The following SFMBT2 variants were observed in gnomAD, a reference collection of about 807,000 sequenced individuals.
SFMBT2 encodes the protein scm-like with four MBT domains protein 2.
SFMBT2 carries 38 observed loss-of-function variants against 110.1 expected under a neutral mutation model. The ratio of observed to expected loss-of-function variants is 0.35; its 90% confidence interval spans 0.27 to 0.45. The LOEUF (loss-of-function observed/expected upper bound fraction) is 0.45, where lower values mean the gene tolerates loss of function less well. SFMBT2 is among the 20% of genes least tolerant of loss of function. The pLI, the probability that SFMBT2 is intolerant of heterozygous loss-of-function variation, is 1.00. For synonymous variants in SFMBT2, 425 were observed against 425.4 expected, an observed-to-expected ratio of 1.00 and a Z score of 0.01; for missense variants, 1,011 against 1,094.9, an observed-to-expected ratio of 0.92 and a Z score of 1.08.
chr10:7,300,712 G>A (rs949586445), intron 4 of SFMBT2, among the ~76,000 whole-genome samples: 3 of 152,306 alleles, frequency 2.0e-5, no homozygotes, highest in South Asian at 2.1e-4. Context: ...GCCCAGCATC[G>A]TCTCTGGCAC....
chr10:7,294,241 C>T (rs1842341472), intron 4 of SFMBT2, among the ~76,000 whole-genome samples: 1 of 152,188 alleles, frequency 6.6e-6, no homozygotes, highest in Non-Finnish European at 1.5e-5. Context: ...AAAAAGCACG[C>T]CAACTCACCC....
At chr10:7,327,008 G>A (rs1411639773) in intron 4 of SFMBT2, among the ~76,000 whole-genome samples, 2 of 151,828 alleles carry the variant, frequency 1.3e-5, no homozygotes, top group South Asian at 2.1e-4. Context: ...CATGCCCTGC[G>A]GACTACCATG....
At chr10:7,353,077 C>A (rs1172172281) in intron 4 of SFMBT2, among the ~76,000 whole-genome samples, 1 of 151,932 alleles carries the variant, frequency 6.6e-6, no homozygotes. Flanking sequence ...AGAAGACACC[C>A]TTTGCCAAAA....
At chr10:7,405,550 G>C (rs1025035997) in intron 1 of SFMBT2, among the ~76,000 whole-genome samples, 11 of 152,142 alleles carry the variant, frequency 7.2e-5, no homozygotes, top group Admixed American at 1.3e-4. Flanking sequence ...TCACAAGCAC[G>C]GTTGCACATG....
intron 16 of SFMBT2, among the ~76,000 whole-genome samples, chr10:7,188,323 C>T (rs950834693): frequency 6.6e-6 from 1 of 152,154 alleles, no homozygotes; most frequent in Non-Finnish European, 1.5e-5. Context: ...CAATTTTCCC[C>T]CTTTTGCTCA....
intron 15 of SFMBT2, among the ~76,000 whole-genome samples, chr10:7,191,543 G>A (rs1353579046): frequency 6.6e-6 from 1 of 152,158 alleles, no homozygotes; most frequent in East Asian, 1.9e-4. Context: ...TCCCCATCCG[G>A]GTCTTTACTC....
At position 7,387,301 on chromosome 10, in the gene SFMBT2, A is replaced by G. The variant is rs959635857; in HGVS notation, c.-51-5352T>C. Among the ~76,000 whole-genome samples, 4 of 152,216 alleles carry G rather than the reference A, an allele frequency of 2.6e-5. No homozygotes were observed. The East Asian group carries it at 5.8e-4, about 22-fold the overall frequency. On this transcript the variant is annotated intron_variant, in intron 1 of 20. Coordinates refer to ENST00000397167, the MANE Select transcript of SFMBT2 (RefSeq NM_001387889.1). Reference sequence around the variant, plus strand: ...CAATTTTAAAACTAATGCCAGACAGATAAGTGCTGATACCATGCAGTTTTC... The same window carrying G: ...CAATTTTAAAACTAATGCCAGACAGGTAAGTGCTGATACCATGCAGTTTTC...
chr10:7,396,395 G>C (rs899720581), intron 1 of SFMBT2, among the ~76,000 whole-genome samples: 3 of 152,122 alleles, frequency 2.0e-5, no homozygotes, highest in African/African-American at 7.2e-5. Context: ...CACAGAAAAG[G>C]ACTCCTCATT....
In SFMBT2 at chr10:7,370,323, T is replaced by A; in HGVS notation, c.153A>T (p.Glu51Asp). 1.9e-6 allele frequency: 3 copies of A among 1,614,210 alleles called. No individual in the cohort carries two copies. The highest frequency in any genetic ancestry group is 2.5e-6 in the Non-Finnish European group (3 of 1,180,020). The change falls in exon 3 of 21, where the codon GAA becomes GAT. Residue 51 changes from glutamate (E) to aspartate (D), a missense_variant. Physicochemically the swap from Glu to Asp is conservative, Grantham distance 45. This residue lies in a region of SFMBT2 where 979 missense variants were observed against 1,016.1 expected (regional missense o/e 0.96). Coordinates refer to ENST00000397167, the MANE Select transcript of SFMBT2 (RefSeq NM_001387889.1). ...ETGFNWGEYL[E>D]ETGASAAPHT... ...GGGGAGCAGCACTTGCTCCTGTCTCTTCCAAATATTCTCCCCAGTTAAAGC... is the reference window on the plus strand; with the variant it reads ...GGGGAGCAGCACTTGCTCCTGTCTCATCCAAATATTCTCCCCAGTTAAAGC...
intron 4 of SFMBT2, among the ~76,000 whole-genome samples, chr10:7,355,204 T>C (rs1409903778): frequency 6.6e-6 from 1 of 152,238 alleles, no homozygotes; most frequent in East Asian, 1.9e-4. Flanking sequence ...CTAAGTGTCC[T>C]ACGATTCCAA....
chr10:7,282,709 T>C (rs1841980912), intron 6 of SFMBT2, among the ~76,000 whole-genome samples: 1 of 152,216 alleles, frequency 6.6e-6, no homozygotes, highest in Admixed American at 6.5e-5. Context: ...GGAAGTGTTT[T>C]CAATTAGAGC....
chr10:7,410,666 C>A (rs1405448335), intron 1 of SFMBT2, among the ~76,000 whole-genome samples, 195 bp downstream of exon 1: 1 of 152,036 alleles, frequency 6.6e-6, no homozygotes, highest in Non-Finnish European at 1.5e-5. Context: ...CTCTTTCGCT[C>A]CCCTGCACCC....
At chr10:7,230,889 A>T (rs1840097338) in intron 9 of SFMBT2, among the ~76,000 whole-genome samples, 1 of 152,150 alleles carries the variant, frequency 6.6e-6, no homozygotes, top group Non-Finnish European at 1.5e-5. Context: ...CCAACATCAC[A>T]CCACTGCACT....
intron 4 of SFMBT2, among the ~76,000 whole-genome samples, chr10:7,332,165 T>C (rs1843580739): frequency 3.9e-5 from 6 of 152,214 alleles, no homozygotes; most frequent in Admixed American, 3.3e-4. Context: ...ACTGGGTTTC[T>C]GTGTGTAACT....
At chr10:7,391,957 T>C (rs1047224977) in intron 1 of SFMBT2, among the ~76,000 whole-genome samples, 3 of 152,258 alleles carry the variant, frequency 2.0e-5, no homozygotes, top group African/African-American at 7.2e-5. Flanking sequence ...ATGCCTCTGC[T>C]GCCGCCCATT....
intron 6 of SFMBT2, among the ~76,000 whole-genome samples, chr10:7,279,644 C>T (rs898908491): frequency 1.4e-4 from 21 of 152,194 alleles, no homozygotes; most frequent in African/African-American, 5.1e-4. Flanking sequence ...ATGCCAGTTT[C>T]TGTTTCTGGG....
chr10:7,228,740 CTCTCTCTCTCTCTCTCT>C (rs1840012282), intron 9 of SFMBT2, among the ~76,000 whole-genome samples: 3 of 32,696 alleles, frequency 9.2e-5, no homozygotes, highest in Non-Finnish European at 1.3e-4. Context: ...TCTTTCCTTT[CTCTCTCTCTCTCTCTCT>C]CTCTCTCTCT....
intron 4 of SFMBT2, among the ~76,000 whole-genome samples, chr10:7,324,809 A>G (rs989581787): frequency 1.3e-5 from 2 of 152,122 alleles, no homozygotes; most frequent in Non-Finnish European, 2.9e-5. Flanking sequence ...ACGTGTTCAC[A>G]TGACCTCTTT....
At chr10:7,202,314 C>T (rs995391158) in intron 13 of SFMBT2, 166 bp downstream of exon 13, 5 of 363,794 alleles carry the variant, frequency 1.4e-5, no homozygotes, top group Non-Finnish European at 1.9e-5. Context: ...GTGTCTTGCA[C>T]ATAACAGGTA....
Sources: allele counts gnomAD v4.1 joint callset (sites outside exome capture counted in the v4.1 genomes callset), GRCh38; gene constraint gnomAD v4.1.1; regional missense constraint gnomAD v4.1.1; transcripts MANE v1.5; gene names NCBI Gene and HGNC (gene_info 2026-07-23, HGNC 2026-07-21).